ETV6: variants seen among roughly 807,000 people sequenced by gnomAD.
ETV6 encodes transcription factor ETV6.
Under a neutral mutation model 51.1 loss-of-function variants are expected in ETV6, and 16 were observed. The observed-to-expected ratio is 0.31, with a 90% CI of 0.21 to 0.48. ETV6 has a LOEUF of 0.48. Ranked by LOEUF, ETV6 falls within the 20% of genes least tolerant of loss-of-function variation. ETV6 has a pLI of 0.99. For synonymous variants in ETV6, 240 were observed against 224.1 expected, an observed-to-expected ratio of 1.07 and a Z score of -0.64; for missense variants, 458 against 594.8, an observed-to-expected ratio of 0.77 and a Z score of 2.39.
chr12:11,794,385 C>G (rs746367001), intron 2 of ETV6, among the ~76,000 whole-genome samples: 24 of 152,184 alleles, frequency 1.6e-4, no homozygotes, highest in Non-Finnish European at 3.2e-4. Context: ...TTTCTCAGTT[C>G]AGCTGCTTGG....
intron 1 of ETV6, among the ~76,000 whole-genome samples, chr12:11,707,655 T>C (rs1255818464): frequency 6.6e-6 from 1 of 152,234 alleles, no homozygotes; most frequent in Non-Finnish European, 1.5e-5. Context: ...CTCCTGCATG[T>C]AGATTTATGG....
In ETV6 at chr12:11,838,883, G is replaced by A. The variant is rs565561021; in HGVS notation, c.164-257G>A. On this transcript the variant is annotated intron_variant, in intron 2 of 7. Transcript: ENST00000396373. ...TTGCCTCTAAATAAAAAGTTAATCTGACAGCACACCCCAGAGTAGGGTTTG... is the reference window on the plus strand; with the variant it reads ...TTGCCTCTAAATAAAAAGTTAATCTAACAGCACACCCCAGAGTAGGGTTTG... Among the ~76,000 whole-genome samples, 14 of 152,330 alleles carry A rather than the reference G, an allele frequency of 9.2e-5. No individual in the cohort carries two copies. The East Asian group carries it at 2.7e-3, about 29-fold the overall frequency.
chr12:11,830,495 A>G (rs973361641), intron 2 of ETV6, among the ~76,000 whole-genome samples: 3 of 152,224 alleles, frequency 2.0e-5, no homozygotes, highest in African/African-American at 7.2e-5. Context: ...AGATGATGGC[A>G]TGACATGGAT....
chr12:11,821,867 T>C (rs756326234), intron 2 of ETV6, among the ~76,000 whole-genome samples: 7 of 152,060 alleles, frequency 4.6e-5, no homozygotes, highest in Non-Finnish European at 7.4e-5. Flanking sequence ...AACATGGAGA[T>C]GCATTGTCAC....
chr12:11,682,930 T>A (rs1382163814), intron 1 of ETV6, among the ~76,000 whole-genome samples: 1 of 152,216 alleles, frequency 6.6e-6, no homozygotes, highest in Non-Finnish European at 1.5e-5. Flanking sequence ...TTCATTGTTC[T>A]ATATATCAGT....
chr12:11,811,445 C>T (rs1448228458), intron 2 of ETV6, among the ~76,000 whole-genome samples: 2 of 152,148 alleles, frequency 1.3e-5, no homozygotes, highest in African/African-American at 4.8e-5. Context: ...CCCAGCCCTT[C>T]CTTGGGTGCC....
chr12:11,653,753 T>G (rs1168215477), intron 1 of ETV6, among the ~76,000 whole-genome samples: 1 of 152,164 alleles, frequency 6.6e-6, no homozygotes, highest in Non-Finnish European at 1.5e-5. Flanking sequence ...TAGAGAGGGC[T>G]AGAGCACTCC....
chr12:11,754,822 C>T (rs10772505), intron 2 of ETV6, among the ~76,000 whole-genome samples: 89,521 of 152,134 alleles, frequency 0.59, 26,953 homozygotes, highest in Admixed American at 0.71. Context: ...TAATATTTAT[C>T]ACGGGATTAC....
chr12:11,769,651 C>A (rs748433103), intron 2 of ETV6, among the ~76,000 whole-genome samples: 9 of 152,150 alleles, frequency 5.9e-5, no homozygotes, highest in Non-Finnish European at 1.2e-4. Context: ...TTAAAAAATT[C>A]TTTTCCTTCA....
At chr12:11,703,269 T>A (rs1865015927) in intron 1 of ETV6, among the ~76,000 whole-genome samples, 1 of 150,344 alleles carries the variant, frequency 6.7e-6, no homozygotes, top group African/African-American at 2.4e-5. Flanking sequence ...AAATAATGAG[T>A]TTCAAAGAAA....
intron 2 of ETV6, among the ~76,000 whole-genome samples, chr12:11,798,008 C>G (rs1453939664): frequency 6.6e-6 from 1 of 152,046 alleles, no homozygotes; most frequent in Non-Finnish European, 1.5e-5. Flanking sequence ...TTTTTTATTA[C>G]CATACAAGGA....
At chr12:11,808,885 C>T (rs554619526) in intron 2 of ETV6, among the ~76,000 whole-genome samples, 1 of 152,190 alleles carries the variant, frequency 6.6e-6, no homozygotes, top group South Asian at 2.1e-4. Flanking sequence ...TGACAAGGGC[C>T]ATGTGTGGTG....
chr12:11,704,775 TTGTGTGTG>T (rs58321366), intron 1 of ETV6, among the ~76,000 whole-genome samples: 5 of 149,026 alleles, frequency 3.4e-5, no homozygotes, highest in Non-Finnish European at 7.5e-5. Context: ...TCACAGGGGT[TTGTGTGTG>T]TGTGTGTGTG....
At chr12:11,877,091 G>T (rs1946997809) in intron 5 of ETV6, among the ~76,000 whole-genome samples, 1 of 152,196 alleles carries the variant, frequency 6.6e-6, no homozygotes, top group African/African-American at 2.4e-5. Flanking sequence ...TTGACTGGAT[G>T]AATTATATAT....
chr12:11,653,155 ACT>A (rs1863938500), intron 1 of ETV6, among the ~76,000 whole-genome samples: 1 of 152,102 alleles, frequency 6.6e-6, no homozygotes, highest in South Asian at 2.1e-4. Context: ...GAAAGGATCA[ACT>A]CTCTATAAAA....
Position 11,759,414 on chromosome 12 carries a change from G to T in ETV6, c.163+6835G>T, listed in dbSNP as rs77387952. ...ATTTGGAAACTGTTGACAATGGGTT[G>T]TCCCTACCTGGTGCTCTGTGTTATT... On this transcript the variant is annotated intron_variant, in intron 2 of 7. Coordinates refer to ENST00000396373, the MANE Select transcript of ETV6 (RefSeq NM_001987.5). Among the ~76,000 whole-genome samples the T allele has an allele frequency of 8.3e-3, 1,264 of 152,210 alleles. 11 individuals carry two copies. The highest frequency in any genetic ancestry group is 0.038 in the South Asian group (184 of 4,808).
chr12:11,870,078 T>G, intron 5 of ETV6, 109 bp downstream of exon 5: 2 of 1,306,702 alleles, frequency 1.5e-6, no homozygotes, highest in Non-Finnish European at 1.0e-6. Flanking sequence ...TTAGGCGCCC[T>G]CCAAGGCTCT....
chr12:11,670,224 A>G (rs1157134586), intron 1 of ETV6, among the ~76,000 whole-genome samples: 1 of 152,226 alleles, frequency 6.6e-6, no homozygotes, highest in Admixed American at 6.5e-5. Flanking sequence ...GAAGGGAAAA[A>G]CAGTAGATTT....
At chr12:11,832,527 TG>T (rs1946259926) in intron 2 of ETV6, among the ~76,000 whole-genome samples, 1 of 152,112 alleles carries the variant, frequency 6.6e-6, no homozygotes, top group Non-Finnish European at 1.5e-5. Flanking sequence ...GAAGAGAAGC[TG>T]GGGAAAATGT....
Sources: gnomAD v4.1 joint callset for allele counts (sites outside exome capture counted in the v4.1 genomes callset) on GRCh38, gnomAD v4.1.1 for gene constraint, MANE v1.5 for transcripts, NCBI Gene and HGNC (gene_info 2026-07-23, HGNC 2026-07-21) for gene names.